The following PDE5A variants were observed in gnomAD, a reference collection of about 807,000 sequenced individuals.
PDE5A encodes the protein cGMP-specific 3',5'-cyclic phosphodiesterase.
A neutral mutation model predicts 110.2 loss-of-function variants in PDE5A; 67 were observed. The observed-to-expected ratio is 0.61, with a 90% CI of 0.50 to 0.75. PDE5A has a LOEUF of 0.75. PDE5A is among the 30% of genes least tolerant of loss of function. PDE5A has a pLI of 0.00. For synonymous variants in PDE5A, 328 were observed against 351.2 expected (o/e 0.93, Z 0.74); for missense variants, 862 against 1,045.1 (o/e 0.82, Z 2.42).
Position 119,628,749 on chromosome 4 carries a change from G to A in PDE5A, c.-78C>T. On this transcript the variant is annotated 5_prime_UTR_variant, in exon 1 of 21. Coordinates refer to ENST00000354960, the MANE Select transcript of PDE5A (RefSeq NM_001083.4). ...TGGGGTCCGTCCCTCAGAAGAACAG[G>A]ACTCGGCCTCGAGACCCTCCCCCTT... is the stretch of plus-strand genomic sequence containing the variant. The A allele has an allele frequency of 6.4e-7, 1 of 1,571,018 alleles. No individual in the cohort carries two copies. The highest frequency in any genetic ancestry group is 8.6e-7 in the Non-Finnish European group (1 of 1,163,080).
chr4:119,534,045 T>C (rs1223236481), intron 11 of PDE5A, among the ~76,000 whole-genome samples: 1 of 152,142 alleles, frequency 6.6e-6, no homozygotes, highest in Non-Finnish European at 1.5e-5. Flanking sequence ...AAGATTAGCT[T>C]GTCACATGAA....
intron 3 of PDE5A, among the ~76,000 whole-genome samples, chr4:119,573,086 T>C (rs1047427121): frequency 6.6e-6 from 1 of 152,242 alleles, no homozygotes; most frequent in African/African-American, 2.4e-5. Context: ...GATCAATTCA[T>C]ATAAATCTGG....
chr4:119,611,274 G>A (rs1262165560), intron 1 of PDE5A, among the ~76,000 whole-genome samples: 1 of 152,080 alleles, frequency 6.6e-6, no homozygotes, highest in East Asian at 1.9e-4. Context: ...TATCCCCTCT[G>A]ACTAGATATT....
At chr4:119,520,597 CA>C (rs1282649573) in intron 13 of PDE5A, among the ~76,000 whole-genome samples, 1 of 152,054 alleles carries the variant, frequency 6.6e-6, no homozygotes, top group Non-Finnish European at 1.5e-5. Flanking sequence ...TGAATGTGAA[CA>C]AGAGAAATGT....
intron 7 of PDE5A, among the ~76,000 whole-genome samples, chr4:119,558,749 C>T (rs1249756523): frequency 6.6e-6 from 1 of 151,894 alleles, no homozygotes; most frequent in Admixed American, 6.6e-5. Context: ...AACCCCGTCT[C>T]TACTAAAAAT....
intron 4 of PDE5A, among the ~76,000 whole-genome samples, chr4:119,565,983 TTAA>T (rs1342003829): frequency 6.7e-6 from 1 of 149,000 alleles, no homozygotes; most frequent in Non-Finnish European, 1.5e-5. Context: ...TTAATAATAA[TTAA>T]TAGTATTAAT....
chr4:119,618,005 A>G (rs1451082476), intron 1 of PDE5A, among the ~76,000 whole-genome samples: 1 of 152,160 alleles, frequency 6.6e-6, no homozygotes, highest in Non-Finnish European at 1.5e-5. Context: ...TAGAAACCTC[A>G]TGACATTAAA....
intron 14 of PDE5A, among the ~76,000 whole-genome samples, chr4:119,517,794 T>C (rs560375281): frequency 6.6e-6 from 1 of 152,216 alleles, no homozygotes; most frequent in East Asian, 1.9e-4. Flanking sequence ...AGCACATGCT[T>C]ATTCTGATCT....
chr4:119,608,328 C>T (rs527796470), intron 1 of PDE5A, among the ~76,000 whole-genome samples: 95 of 152,122 alleles, frequency 6.2e-4, no homozygotes, highest in Non-Finnish European at 1.2e-3. Flanking sequence ...AAAGCCATCA[C>T]AGTAGGTGAC....
chr4:119,517,633 T>C (rs111892974), intron 14 of PDE5A, among the ~76,000 whole-genome samples: 4,098 of 151,294 alleles, frequency 0.027, 76 homozygotes, highest in South Asian at 0.064. Flanking sequence ...AAGATGACGT[T>C]TCTCCAGATG....
At chr4:119,582,455 A>G (rs1281085243) in intron 3 of PDE5A, among the ~76,000 whole-genome samples, 2 of 152,220 alleles carry the variant, frequency 1.3e-5, no homozygotes, top group East Asian at 3.8e-4. Context: ...AAAGTCATCC[A>G]TGAAGGCTGG....
intron 11 of PDE5A, among the ~76,000 whole-genome samples, chr4:119,534,667 C>A (rs963980852): frequency 6.6e-6 from 1 of 152,158 alleles, no homozygotes; most frequent in African/African-American, 2.4e-5. Flanking sequence ...GTTAAATTAT[C>A]TGCTCAAAAT....
intron 3 of PDE5A, among the ~76,000 whole-genome samples, chr4:119,588,044 T>C (rs1050877440): frequency 2.6e-5 from 4 of 152,216 alleles, no homozygotes; most frequent in African/African-American, 7.2e-5. Flanking sequence ...GGGATTTCTC[T>C]AGCTTCCCTA....
intron 3 of PDE5A, among the ~76,000 whole-genome samples, chr4:119,596,280 G>T (rs1325777220): frequency 6.6e-6 from 1 of 151,946 alleles, no homozygotes; most frequent in East Asian, 1.9e-4. Flanking sequence ...CAGGAAGAGG[G>T]GAGGTAGAAT....
In PDE5A at chr4:119,504,628, C is replaced by T. The variant is rs111695505; in HGVS notation, c.2268-29G>A. On this transcript the variant is annotated intron_variant, in intron 17 of 20. Coordinates refer to ENST00000354960, the MANE Select transcript of PDE5A (RefSeq NM_001083.4). The stretch of plus-strand genomic sequence containing the variant: ...TTATGGAAAAAAGAAACCCAAAACT[C>T]CTATTTACTTTTGTGTTATTATATA... The T allele has an allele frequency of 4.1e-5, 65 of 1,586,460 alleles. No homozygotes were observed. The African/African-American group carries it at 5.0e-4, about 12-fold the overall frequency.
intron 11 of PDE5A, among the ~76,000 whole-genome samples, chr4:119,535,274 A>G (rs1295454685): frequency 6.6e-6 from 1 of 152,080 alleles, no homozygotes; most frequent in Non-Finnish European, 1.5e-5. Flanking sequence ...GGTAATTAAC[A>G]TGGTCACCCC....
In PDE5A at chr4:119,525,584, G is replaced by A. The variant is rs1466670759; in HGVS notation, c.1744C>T (p.Leu582Phe). ...ALCTIRMFTD[L>F]NLVQNFQMKH... Reference sequence around the variant, plus strand: ...ATCTGGAAGTTCTGCACAAGGTTGAGGTCAGTAAACATCCGAATTGTACAC... The same window carrying A: ...ATCTGGAAGTTCTGCACAAGGTTGAAGTCAGTAAACATCCGAATTGTACAC... The change falls in exon 12 of 21, where the codon CTC (leucine) becomes TTC (phenylalanine). Residue 582 changes from leucine (L) to phenylalanine (F), a missense_variant. Transcript: ENST00000354960. The surrounding 1 kb of genome is among the most constrained non-coding windows in gnomAD (Gnocchi z 4.3). 2 of 1,613,102 alleles carry A rather than the reference G, an allele frequency of 1.2e-6. No homozygotes were observed. The highest frequency in any genetic ancestry group is 1.3e-5 in the African/African-American group (1 of 74,934).
chr4:119,621,328 C>T (rs1030401889), intron 1 of PDE5A, among the ~76,000 whole-genome samples: 11 of 152,130 alleles, frequency 7.2e-5, no homozygotes, highest in African/African-American at 2.7e-4. Flanking sequence ...CCTACTCTCC[C>T]GAATACAATG....
chr4:119,573,565 T>A (rs1049974170), intron 3 of PDE5A, among the ~76,000 whole-genome samples: 10 of 152,220 alleles, frequency 6.6e-5, no homozygotes, highest in African/African-American at 2.4e-4. Flanking sequence ...AATTTTAGAA[T>A]CAAAGTTAGA....
Sources: gnomAD v4.1 joint callset for allele counts (sites outside exome capture counted in the v4.1 genomes callset) on GRCh38, gnomAD v4.1.1 for gene constraint, Gnocchi (gnomAD v3.1) non-coding constraint, MANE v1.5 for transcripts, NCBI Gene and HGNC (gene_info 2026-07-23, HGNC 2026-07-21) for gene names.